Variants in OLAH observed in about 807,000 individuals in gnomAD.
OLAH encodes the protein oleoyl-ACP hydrolase, also known as S-acyl fatty acid synthase thioesterase, medium chain.
OLAH carries 33 observed loss-of-function variants against 27.8 expected under a neutral mutation model. The observed-to-expected ratio is 1.19, with a 90% confidence interval of 0.90 to 1.59. The LOEUF is 1.59. OLAH is among the 40% of genes most tolerant of loss of function. The pLI, the probability that OLAH is intolerant of heterozygous loss-of-function variation, is 0.00. For missense variants in OLAH, 359 were observed against 310.8 expected (o/e 1.16, Z -1.17); for synonymous variants, 120 against 102.9 (o/e 1.17, Z -1.01).
chr10:15,043,625 C>A (rs897679910), upstream of OLAH, among the ~76,000 whole-genome samples: 2 of 151,882 alleles, frequency 1.3e-5, no homozygotes, highest in South Asian at 4.2e-4. Flanking sequence ...ACCACCATGC[C>A]CAGCTAATTT....
intron 6 of OLAH, among the ~76,000 whole-genome samples, chr10:15,069,589 G>A (rs954683739): frequency 6.6e-6 from 1 of 152,158 alleles, no homozygotes; most frequent in Non-Finnish European, 1.5e-5. Context: ...CTGCATGGCT[G>A]GGCACGGTGG....
At chr10:15,036,842 A>G (rs909043393) in intron 1 of OLAH, among the ~76,000 whole-genome samples, 3 of 152,134 alleles carry the variant, frequency 2.0e-5, no homozygotes, top group East Asian at 3.9e-4. Context: ...ATATTCTGGG[A>G]GGCTGAGGCA....
At position 15,073,193 on chromosome 10, in the gene OLAH, C is replaced by A. The variant is rs576206857; in HGVS notation, c.762C>A (p.Ile254=). 4.1e-4 allele frequency: 663 copies of A among 1,606,568 alleles called. 7 individuals carry two copies. The South Asian group carries it at 7.0e-3, about 17-fold the overall frequency. The change falls in exon 8 of 8, where the codon ATC becomes ATA. Residue 254 remains isoleucine, a synonymous_variant. Transcript: ENST00000378228. ...ANEKLIKNYI[I]KCLEVSSISN... ...AGAAATTAATCAAGAACTACATAAT[C>A]AAGTGTCTAGAAGTATCATCGATAT...
At chr10:15,051,004 T>C (rs1844127712) in intron 3 of OLAH, among the ~76,000 whole-genome samples, 2 of 151,672 alleles carry the variant, frequency 1.3e-5, no homozygotes, top group African/African-American at 4.8e-5. Flanking sequence ...ATTTACAATA[T>C]GCACTTTTTT....
At chr10:15,056,326 T>C (rs1342041311) in intron 3 of OLAH, among the ~76,000 whole-genome samples, 1 of 152,172 alleles carries the variant, frequency 6.6e-6, no homozygotes, top group Non-Finnish European at 1.5e-5. Context: ...CATCTAGGAA[T>C]GGAATTTCTG....
intron 1 of OLAH, among the ~76,000 whole-genome samples, chr10:15,035,467 A>G (rs1283357795): frequency 6.6e-6 from 1 of 152,164 alleles, no homozygotes; most frequent in Non-Finnish European, 1.5e-5. Flanking sequence ...CACGGGTCAC[A>G]CAGCGAAAGC....
chr10:15,039,557 A>G (rs1843889889), upstream of OLAH, among the ~76,000 whole-genome samples: 1 of 152,228 alleles, frequency 6.6e-6, no homozygotes, highest in African/African-American at 2.4e-5. Flanking sequence ...AGCCTGGACA[A>G]TAAGAGGAAA....
chr10:15,049,059 C>T (rs1045895191), intron 2 of OLAH, among the ~76,000 whole-genome samples: 6 of 149,438 alleles, frequency 4.0e-5, no homozygotes, highest in Non-Finnish European at 7.4e-5. Context: ...GCCGACATTA[C>T]GCCGCTACAT....
chr10:15,046,965 A>C (rs1844030494), intron 1 of OLAH, among the ~76,000 whole-genome samples, 161 bp from the exon 2 acceptor site: 1 of 152,086 alleles, frequency 6.6e-6, no homozygotes, highest in African/African-American at 2.4e-5. Context: ...TGCTAATTGG[A>C]TATGAATGGG....
At chr10:15,047,061 C>T in intron 1 of OLAH, 65 bp from the exon 2 acceptor site, 1 of 462,802 alleles carries the variant, frequency 2.2e-6, no homozygotes, top group Non-Finnish European at 3.9e-6. Flanking sequence ...GTCATCACCA[C>T]TGTCATTTTT....
rs191208914 is a variant in OLAH, at chr10:15,032,784, T to G, written c.-164+434T>G. On this transcript the variant is annotated intron_variant, in intron 1 of 3. Coordinates refer to the OLAH transcript ENST00000413672. Reference sequence around the variant, plus strand: ...ACAAAATCAGAAAGTTCTTAAATTCTGAGAAGTGTGGTAATGAAATCTGGC... The same window carrying G: ...ACAAAATCAGAAAGTTCTTAAATTCGGAGAAGTGTGGTAATGAAATCTGGC... 8.0e-3 allele frequency among the ~76,000 whole-genome samples: 1,215 copies of G among 152,324 alleles called. 15 individuals carry two copies. Among genetic ancestry groups the G allele is most frequent in the African/African-American group, 0.028 (1,158 of 41,570 alleles).
chr10:15,048,207 A>G (rs1198627439), intron 2 of OLAH, among the ~76,000 whole-genome samples: 1 of 152,146 alleles, frequency 6.6e-6, no homozygotes, highest in South Asian at 2.1e-4. Flanking sequence ...CGGTGACATT[A>G]TAAGTAGATT....
intron 6 of OLAH, among the ~76,000 whole-genome samples, chr10:15,068,517 C>G (rs537357283): frequency 6.6e-6 from 1 of 152,086 alleles, no homozygotes; most frequent in Admixed American, 6.6e-5. Flanking sequence ...CTCAGCCTCC[C>G]GAGTAGCTGG....
In OLAH at chr10:15,073,679, A is replaced by G. The variant is rs1487298871; in HGVS notation, c.*450A>G. On this transcript the variant is annotated 3_prime_UTR_variant, in exon 8 of 8. Coordinates refer to ENST00000378228, the MANE Select transcript of OLAH (RefSeq NM_001039702.3). ...TGTCTCAAAAAAAAAAAAAAAAAAAATACTTCTGGCAGAGTCTTTTATCTT... is the reference window on the plus strand; with the variant it reads ...TGTCTCAAAAAAAAAAAAAAAAAAAGTACTTCTGGCAGAGTCTTTTATCTT... The G allele has an allele frequency of 6.9e-6, 1 of 145,338 alleles. No individual in the cohort carries two copies. Among genetic ancestry groups the G allele is most frequent in the East Asian group, 2.1e-4 (1 of 4,856 alleles). The allele number at this position is 145,338 out of a possible 1,614,324, so 9.0% of individuals were successfully genotyped here.
At chr10:15,057,359 A>G (rs1163283882) in intron 3 of OLAH, among the ~76,000 whole-genome samples, 1 of 147,540 alleles carries the variant, frequency 6.8e-6, no homozygotes, top group East Asian at 2.0e-4. Context: ...TGAATTGTAA[A>G]TTGAGTTTTC....
chr10:15,033,611 G>A (rs1042972515), intron 1 of OLAH, among the ~76,000 whole-genome samples: 1 of 152,184 alleles, frequency 6.6e-6, no homozygotes, highest in Non-Finnish European at 1.5e-5. Context: ...ACGAACGGAA[G>A]TCTATTGGCT....
intron 3 of OLAH, among the ~76,000 whole-genome samples, chr10:15,052,085 C>G (rs1564529060): frequency 6.6e-6 from 1 of 152,102 alleles, no homozygotes; most frequent in African/African-American, 2.4e-5. Flanking sequence ...GAGTTCAAGA[C>G]TAGCTTGACC....
intron 2 of OLAH, among the ~76,000 whole-genome samples, chr10:15,048,036 G>A (rs1196762687): frequency 6.6e-6 from 1 of 152,028 alleles, no homozygotes; most frequent in Non-Finnish European, 1.5e-5. Context: ...CTCATATTTG[G>A]GAATATTATA....
intron 1 of OLAH, among the ~76,000 whole-genome samples, chr10:15,032,524 G>C (rs1843774302): frequency 6.6e-6 from 1 of 150,732 alleles, no homozygotes; most frequent in East Asian, 2.0e-4. Flanking sequence ...TCAGGAGAGA[G>C]GCAGGAAAAT....
Sources: allele counts gnomAD v4.1 joint callset (sites outside exome capture counted in the v4.1 genomes callset), GRCh38; gene constraint gnomAD v4.1.1; transcripts MANE v1.5; gene names NCBI Gene and HGNC (gene_info 2026-07-23, HGNC 2026-07-21).